Variants in EIF4G3 observed in about 807,000 individuals in gnomAD.
The protein encoded by EIF4G3 is eukaryotic translation initiation factor 4 gamma 3.
Under a neutral mutation model 186.4 loss-of-function variants are expected in EIF4G3, and 34 were observed. The ratio of observed to expected loss-of-function variants is 0.18; its 90% CI spans 0.14 to 0.24. The LOEUF (loss-of-function observed/expected upper bound fraction) is 0.24. Among genes scored for constraint, EIF4G3 ranks in the 10% least tolerant of loss-of-function variants. The pLI, the probability that EIF4G3 is intolerant of heterozygous loss-of-function variation, is 1.00. For missense variants in EIF4G3, 1,536 were observed against 1,948.5 expected, an observed-to-expected ratio of 0.79 and a Z score of 3.99; for synonymous variants, 673 against 679.5, an observed-to-expected ratio of 0.99 and a Z score of 0.15.
chr1:20,892,047 C>T (rs545785393), intron 18 of EIF4G3, among the ~76,000 whole-genome samples: 5 of 152,150 alleles, frequency 3.3e-5, no homozygotes, highest in Admixed American at 1.3e-4. Context: ...TTCAAGTATA[C>T]GCCATCACTG....
At chr1:20,836,852 A>G (rs2066900034) in intron 30 of EIF4G3, among the ~76,000 whole-genome samples, 1 of 152,218 alleles carries the variant, frequency 6.6e-6, no homozygotes, top group African/African-American at 2.4e-5. Flanking sequence ...CATGATATAA[A>G]AAGACTATCA....
chr1:21,122,218 G>A (rs184144603), intron 2 of EIF4G3, among the ~76,000 whole-genome samples: 35 of 152,268 alleles, frequency 2.3e-4, no homozygotes, highest in Non-Finnish European at 3.4e-4. Flanking sequence ...GAGTTTAGAT[G>A]AGCTCTCAAT....
chr1:21,115,897 A>G (rs1174639809), intron 2 of EIF4G3, among the ~76,000 whole-genome samples: 1 of 151,772 alleles, frequency 6.6e-6, no homozygotes, highest in Non-Finnish European at 1.5e-5. Context: ...TTTTTTTTAA[A>G]TTTTTTGTAG....
At chr1:21,083,318 T>C (rs2095853929) in intron 3 of EIF4G3, among the ~76,000 whole-genome samples, 2 of 152,080 alleles carry the variant, frequency 1.3e-5, no homozygotes, top group Admixed American at 1.3e-4. Flanking sequence ...TCTTCCAGAA[T>C]AGGCATAAAA....
intron 2 of EIF4G3, among the ~76,000 whole-genome samples, chr1:21,133,542 T>C (rs2097190800): frequency 2.6e-5 from 4 of 152,236 alleles, no homozygotes; most frequent in Admixed American, 1.3e-4. Flanking sequence ...TCTTTCTTAA[T>C]GACTGTTGTC....
chr1:20,937,188 A>T (rs567584526), intron 14 of EIF4G3, among the ~76,000 whole-genome samples: 1 of 152,318 alleles, frequency 6.6e-6, no homozygotes, highest in East Asian at 1.9e-4. Flanking sequence ...CTTAAAAAAG[A>T]GAGAGAGGGA....
chr1:21,124,223 G>A (rs1356096655), intron 2 of EIF4G3, among the ~76,000 whole-genome samples: 2 of 151,884 alleles, frequency 1.3e-5, no homozygotes, highest in East Asian at 1.9e-4. Context: ...AGGAGGCGGA[G>A]GCAGTAAGCC....
rs138394388 is a variant in EIF4G3 at position 20,958,247 on chromosome 1, T to C, written c.715-8136A>G. On this transcript the variant is annotated intron_variant, in intron 12 of 36. Coordinates refer to ENST00000602326, the MANE Select transcript of EIF4G3 (RefSeq NM_001391906.1). ...AAGGATGCAGAGATGGTTTAACATA[T>C]GTAAGTCAATAAATGTGATACATCA... Among the ~76,000 whole-genome samples the C allele has an allele frequency of 2.2e-3, 341 of 152,252 alleles. 2 individuals carry two copies. Among genetic ancestry groups the C allele is most frequent in the African/African-American group, 6.1e-3 (255 of 41,560 alleles).
chr1:20,941,243 G>A (rs2095701566), intron 14 of EIF4G3: 1 of 1,540,300 alleles, frequency 6.5e-7, no homozygotes, highest in South Asian at 1.2e-5. Context: ...AACCCAACAT[G>A]TTTCGTGACA....
chr1:20,958,400 A>G lies in EIF4G3; in HGVS notation c.715-8289T>C, dbSNP rs576131106. The stretch of plus-strand genomic sequence containing the variant: ...GTAGGCAAAAAAGGGACTTACCTCA[A>G]AATAGTAAAATCCATATATGACAAA... On this transcript the variant is annotated intron_variant, in intron 12 of 36. Transcript: ENST00000602326. Among the ~76,000 whole-genome samples the G allele has an allele frequency of 1.7e-4, 26 of 152,304 alleles. 1 individual carries two copies. In the South Asian group the frequency reaches 3.5e-3, roughly 21 times the overall value.
intron 32 of EIF4G3, among the ~76,000 whole-genome samples, chr1:20,826,062 G>A (rs994604614): frequency 8.5e-5 from 13 of 152,226 alleles, no homozygotes; most frequent in African/African-American, 3.1e-4. Flanking sequence ...ATTTGAACTC[G>A]GCCATCTGGC....
At chr1:20,972,068 A>C (rs2076007890) in intron 11 of EIF4G3, among the ~76,000 whole-genome samples, 2 of 152,182 alleles carry the variant, frequency 1.3e-5, no homozygotes, top group African/African-American at 4.8e-5. Context: ...CTGTTGCGTA[A>C]GGAATTGCAA....
At chr1:21,097,350 T>C (rs2096399835) in intron 2 of EIF4G3, among the ~76,000 whole-genome samples, 1 of 152,162 alleles carries the variant, frequency 6.6e-6, no homozygotes, top group African/African-American at 2.4e-5. Context: ...CACGCAGTCA[T>C]CCACAGCATC....
intron 24 of EIF4G3, among the ~76,000 whole-genome samples, chr1:20,859,198 G>C (rs1039370470): frequency 1.3e-5 from 2 of 152,136 alleles, no homozygotes; most frequent in African/African-American, 4.8e-5. Context: ...TTTTCCAAGA[G>C]TTCTTTTCTT....
chr1:20,951,352 C>G (rs929508213), intron 12 of EIF4G3, among the ~76,000 whole-genome samples: 4 of 151,936 alleles, frequency 2.6e-5, no homozygotes, highest in Non-Finnish European at 4.4e-5. Context: ...ATCATTTCAC[C>G]TATTCATTAG....
intron 1 of EIF4G3, 117 bp downstream of exon 1, chr1:21,176,605 G>GCCTCCGCCGCCGCCA (rs2098116704): frequency 5.2e-6 from 1 of 191,926 alleles, no homozygotes; most frequent in Non-Finnish European, 1.0e-5. Context: ...CGCCGCCGCC[G>GCCTCCGCCGCCGCCA]CCGCCGGCAG....
chr1:20,879,653 CAG>C (rs1572105127), intron 19 of EIF4G3, 133 bp from the exon 20 acceptor site: 2 of 476,556 alleles, frequency 4.2e-6, no homozygotes, highest in Non-Finnish European at 3.4e-6. Context: ...GAACTAGTGA[CAG>C]AAATAATTAA....
chr1:20,825,249 C>CAT, intron 32 of EIF4G3, 51 bp from the exon 33 acceptor site: 41 of 213,668 alleles, frequency 1.9e-4, no homozygotes, highest in Non-Finnish European at 2.7e-4. Context: ...GAAGAAGAAA[C>CAT]AGAAAAAAAA....
At chr1:20,920,274 G>A (rs1310972542) in intron 14 of EIF4G3, among the ~76,000 whole-genome samples, 1 of 152,154 alleles carries the variant, frequency 6.6e-6, no homozygotes, top group Non-Finnish European at 1.5e-5. Flanking sequence ...GGCAATTTAT[G>A]TTTTAAATCA....
Sources: gnomAD v4.1 joint callset for allele counts (sites outside exome capture counted in the v4.1 genomes callset) on GRCh38, gnomAD v4.1.1 for gene constraint, MANE v1.5 for transcripts, NCBI Gene and HGNC (gene_info 2026-07-23, HGNC 2026-07-21) for gene names.